CACNA1H: variants seen among roughly 807,000 people sequenced by gnomAD.
CACNA1H encodes the protein calcium voltage-gated channel subunit alpha1 H.
A neutral mutation model predicts 192.5 loss-of-function variants in CACNA1H; 149 were observed. That is an observed-to-expected ratio of 0.77 (90% CI 0.68 to 0.89). The LOEUF (loss-of-function observed/expected upper bound fraction) is 0.89. CACNA1H is among the 40% of genes least tolerant of loss of function. The pLI is 0.00. For missense variants in CACNA1H, 4,257 were observed against 3,423.5 expected, an observed-to-expected ratio of 1.24 and a Z score of -6.08; for synonymous variants, 2,202 against 1,475.2, an observed-to-expected ratio of 1.49 and a Z score of -11.29.
At chr16:1,208,324 C>G (rs527961489) in intron 16 of CACNA1H, 103 bp downstream of exon 16, 2 of 769,504 alleles carry the variant, frequency 2.6e-6, no homozygotes, top group African/African-American at 3.5e-5. Context: ...ACCCCCCACA[C>G]CCTTGAAGTC....
In CACNA1H at chr16:1,209,267, A is replaced by C. The variant is rs1555515661; in HGVS notation, c.3599A>C (p.Asp1200Ala). ...CCACTGCGGCGGGCCGAGTCCCTGG[A>C]CCCACGGCCCCTGCGGCCGGCCGCC... Reference protein sequence around the residue: ...ATPLRRAESLDPRPLRPAALP... With the variant: ...ATPLRRAESLAPRPLRPAALP... Residue 1200 changes from aspartate to alanine, a missense_variant, in exon 17 of 35, where the codon GAC (aspartate) becomes GCC (alanine). By Grantham distance (126) the Asp-to-Ala change is moderately radical. Coordinates refer to ENST00000348261, the MANE Select transcript of CACNA1H (RefSeq NM_021098.3). The C allele has an allele frequency of 6.4e-7, 1 of 1,552,500 alleles. No homozygotes were observed. Among genetic ancestry groups the C allele is most frequent in the East Asian group, 2.4e-5 (1 of 41,394 alleles).
At chr16:1,178,526 G>A (rs2151744801) in intron 2 of CACNA1H, among the ~76,000 whole-genome samples, 1 of 152,232 alleles carries the variant, frequency 6.6e-6, no homozygotes, top group South Asian at 2.1e-4. Context: ...GGGTGACAGT[G>A]GCGTCTACAG....
chr16:1,188,349 C>T (rs1161098498), intron 2 of CACNA1H, among the ~76,000 whole-genome samples: 5 of 152,230 alleles, frequency 3.3e-5, no homozygotes, highest in Admixed American at 6.5e-5. Context: ...TACCCAGGAC[C>T]CTGGAGACCG....
chr16:1,194,128 C>T (rs544313561), intron 2 of CACNA1H, among the ~76,000 whole-genome samples: 6 of 152,184 alleles, frequency 3.9e-5, no homozygotes, highest in East Asian at 1.9e-4. Flanking sequence ...GGGCGGCCCC[C>T]GAGAGTCAAG....
chr16:1,153,835 CCGGGGCGCCGGG>C lies in CACNA1H; in HGVS notation c.99_110del (p.Gly34_Gly37del). The C allele has an allele frequency of 7.6e-7, 1 of 1,309,970 alleles. No individual in the cohort carries two copies. The allele number at this position is 1,309,970 out of a possible 1,614,324, so 81.1% of individuals were successfully genotyped here. On this transcript the variant is annotated inframe_deletion, in exon 2 of 35. Coordinates refer to ENST00000348261, the MANE Select transcript of CACNA1H (RefSeq NM_021098.3). ...TTGGTGGGGGCGTCCCCGGAGAGCCCCGGGGCGCCGGGACGCGAGGCGGAGCGGGGGTCCGAG... is the reference window on the plus strand; with the variant it reads ...TTGGTGGGGGCGTCCCCGGAGAGCCCACGCGAGGCGGAGCGGGGGTCCGAG...
At chr16:1,212,416 G>GC in intron 25 of CACNA1H, 95 bp from the exon 26 acceptor site, 1 of 1,321,076 alleles carries the variant, frequency 7.6e-7, no homozygotes, top group Non-Finnish European at 1.1e-6. Flanking sequence ...AGCCAGCACA[G>GC]CCCCCGAGAC....
chr16:1,215,978 G>A (rs1373795289), intron 30 of CACNA1H, among the ~76,000 whole-genome samples: 3 of 152,106 alleles, frequency 2.0e-5, no homozygotes, highest in Non-Finnish European at 4.4e-5. Context: ...GAGCCCACAT[G>A]GGCCCAGCCT....
intron 2 of CACNA1H, among the ~76,000 whole-genome samples, chr16:1,190,787 G>A (rs999696948): frequency 6.6e-5 from 10 of 152,270 alleles, no homozygotes; most frequent in African/African-American, 2.4e-4. Flanking sequence ...GGAGGCAGAG[G>A]ATCTACGATG....
At chr16:1,178,051 A>AACCCC (rs1965077403) in intron 2 of CACNA1H, among the ~76,000 whole-genome samples, 2 of 6,108 alleles carry the variant, frequency 3.3e-4, no homozygotes, top group African/African-American at 1.7e-3. Flanking sequence ...TCCCTCCCCC[A>AACCCC]CCCCGGAACC....
Position 1,209,137 on chromosome 16 carries a change from C to T in CACNA1H, c.3469C>T (p.Arg1157Cys), listed in dbSNP as rs1057523326. 1.3e-5 allele frequency: 20 copies of T among 1,553,458 alleles called. No individual in the cohort carries two copies. Among genetic ancestry groups the T allele is most frequent in the Middle Eastern group, 1.7e-4 (1 of 5,990 alleles). ...SLGRAPSLKR[R>C]GQCGERESLL... ...GGGCCGTGCCCCCAGCCTCAAGCGC[C>T]GCGGCCAGTGTGGGGAACGTGAGTC... Residue 1157 changes from arginine to cysteine, a missense_variant, in exon 17 of 35, where the codon CGC becomes TGC. Coordinates refer to ENST00000348261, the MANE Select transcript of CACNA1H (RefSeq NM_021098.3).
At chr16:1,218,130 C>T in intron 32 of CACNA1H, 80 bp from the exon 33 acceptor site, 5 of 1,536,800 alleles carry the variant, frequency 3.3e-6, no homozygotes, top group Admixed American at 2.0e-5. Flanking sequence ...CCTTGCAGGG[C>T]AGGGGGAAGG....
In CACNA1H at chr16:1,153,743, C is replaced by G; in HGVS notation, c.6C>G (p.Thr2=). 2.5e-6 allele frequency: 3 copies of G among 1,210,050 alleles called. No homozygotes were observed. The East Asian group carries it at 1.1e-4, about 43-fold the overall frequency. The allele number at this position is 1,210,050 out of a possible 1,614,324, so 75.0% of individuals were successfully genotyped here. The part of the protein sequence containing the change: M[T]EGARAADEVR... ...AGGTGCTGCCGGCCGCCACCATGAC[C>G]GAGGGCGCACGGGCCGCCGACGAGG... The change falls in exon 2 of 35, where the codon ACC becomes ACG. Residue 2 remains threonine (T), a synonymous_variant. Transcript: ENST00000348261.
At position 1,217,025 on chromosome 16, in the gene CACNA1H, C is replaced by G; in HGVS notation, c.5323+15C>G. On this transcript the variant is annotated intron_variant, in intron 31 of 34. Transcript: ENST00000348261. ...CGGGAGGCTGGGTGAGTGGCTCCTG[C>G]GCCCTCCTCCTGGCACACATGGGGT... 6.4e-7 allele frequency: 1 copy of G among 1,572,720 alleles called. No homozygotes were observed. The highest frequency in any genetic ancestry group is 1.9e-5 in the Admixed American group (1 of 54,006).
At chr16:1,185,093 G>A (rs1210937761) in intron 2 of CACNA1H, among the ~76,000 whole-genome samples, 3 of 152,196 alleles carry the variant, frequency 2.0e-5, no homozygotes, top group African/African-American at 4.8e-5. Context: ...TTGCCTGTGC[G>A]GGACTTTCCG....
At chr16:1,184,912 T>C (rs1037258022) in intron 2 of CACNA1H, among the ~76,000 whole-genome samples, 4 of 152,190 alleles carry the variant, frequency 2.6e-5, no homozygotes, top group African/African-American at 9.7e-5. Flanking sequence ...TTTTTACTTG[T>C]TTATGTGACG....
chr16:1,221,663 G>T lies in CACNA1H; in HGVS notation c.*669G>T. 1 of 1,052,420 alleles carries T rather than the reference G, an allele frequency of 9.5e-7. No homozygotes were observed. Among genetic ancestry groups the T allele is most frequent in the Non-Finnish European group, 1.3e-6 (1 of 742,878 alleles). The allele number at this position is 1,052,420 out of a possible 1,614,324, so 65.2% of individuals were successfully genotyped here. ...TCCCATTGACACCTTTGTTTCGTGT[G>T]CTTTTAAATTCAGGTTAAATGTTGC... On this transcript the variant is annotated 3_prime_UTR_variant, in exon 35 of 35. Transcript: ENST00000348261.
chr16:1,155,729 C>G (rs959998892), intron 2 of CACNA1H, among the ~76,000 whole-genome samples: 1 of 152,120 alleles, frequency 6.6e-6, no homozygotes, highest in African/African-American at 2.4e-5. Context: ...AGCCTGGCCC[C>G]GGTGTTCTGG....
At position 1,167,851 on chromosome 16, in the gene CACNA1H, T is replaced by G. The variant is rs932518703; in HGVS notation, c.299+13815T>G. 5.9e-5 allele frequency among the ~76,000 whole-genome samples: 9 copies of G among 152,122 alleles called. No individual in the cohort carries two copies. The highest frequency in any genetic ancestry group is 5.2e-4 in the Admixed American group (8 of 15,284). The stretch of plus-strand genomic sequence containing the variant: ...GCGAGGTTGGGGCGTGGCCTGGCCG[T>G]CCGTCCGCGGGGCCCGGGCTGCCCA... On this transcript the variant is annotated intron_variant, in intron 2 of 34. Coordinates refer to ENST00000348261, the MANE Select transcript of CACNA1H (RefSeq NM_021098.3). The surrounding 1 kb of genome is among the most constrained non-coding windows in gnomAD (Gnocchi z 4.2).
chr16:1,160,673 C>T (rs928886564), intron 2 of CACNA1H, among the ~76,000 whole-genome samples: 3 of 152,160 alleles, frequency 2.0e-5, no homozygotes, highest in South Asian at 2.1e-4. Context: ...ACGGGAGAAG[C>T]GGGCCGTTGG....
Sources: allele counts gnomAD v4.1 joint callset (sites outside exome capture counted in the v4.1 genomes callset), GRCh38; gene constraint gnomAD v4.1.1; non-coding constraint Gnocchi (gnomAD v3.1); transcripts MANE v1.5; gene names NCBI Gene and HGNC (gene_info 2026-07-23, HGNC 2026-07-21).